CLDN10: variants seen among roughly 807,000 people sequenced by gnomAD.
CLDN10 encodes the protein claudin-10.
Under a neutral mutation model 22.9 loss-of-function variants are expected in CLDN10, and 15 were observed. That is an observed-to-expected ratio of 0.65 (90% confidence interval 0.44 to 1.01). The LOEUF is 1.01. Among genes scored for constraint, CLDN10 ranks in the 50% least tolerant of loss-of-function variants. The pLI is 0.00. For missense variants in CLDN10, 247 were observed against 287.8 expected (o/e 0.86, Z 1.03); for synonymous variants, 114 against 111.4 (o/e 1.02, Z -0.15).
intron 1 of CLDN10, among the ~76,000 whole-genome samples, chr13:95,505,327 A>C (rs1036158850): frequency 1.3e-5 from 2 of 152,194 alleles, no homozygotes; most frequent in Non-Finnish European, 2.9e-5. Context: ...TTTTAAAGGC[A>C]GGTATTGTTG....
chr13:95,571,296 G>GT (rs988747006), intron 3 of CLDN10, among the ~76,000 whole-genome samples: 5 of 152,116 alleles, frequency 3.3e-5, no homozygotes, highest in African/African-American at 1.2e-4. Flanking sequence ...CAGAAAAGCA[G>GT]TTTTTTTGTT....
intron 1 of CLDN10, among the ~76,000 whole-genome samples, chr13:95,467,929 T>A (rs999513948): frequency 5.3e-5 from 8 of 152,190 alleles, no homozygotes; most frequent in Non-Finnish European, 1.2e-4. Context: ...GGAAGAATTC[T>A]CTCTTAGTTA....
chr13:95,576,939 G>A (rs1370986970), intron 3 of CLDN10, among the ~76,000 whole-genome samples: 2 of 152,214 alleles, frequency 1.3e-5, no homozygotes, highest in African/African-American at 4.8e-5. Context: ...GCAGCGTGCA[G>A]AGGAAAGGTG....
chr13:95,509,720 C>A lies in CLDN10; in HGVS notation c.215-50412C>A, dbSNP rs370057004. On this transcript the variant is annotated intron_variant, in intron 1 of 4. Coordinates refer to the CLDN10 transcript ENST00000376873. ...ATTCCAGTCCCCTCTGGACTCATCT[C>A]TTTCCCATGAATTCCTAGGTGACTC... Among the ~76,000 whole-genome samples the A allele has an allele frequency of 1.1e-4, 17 of 152,304 alleles. 1 individual carries two copies. The Middle Eastern group carries it at 0.024, about 213-fold the overall frequency.
intron 1 of CLDN10, among the ~76,000 whole-genome samples, chr13:95,469,101 T>A (rs1253930926): frequency 6.6e-6 from 1 of 151,804 alleles, no homozygotes; most frequent in African/African-American, 2.4e-5. Context: ...CTTTACAGTT[T>A]TTTGGTTTTG....
intron 1 of CLDN10, among the ~76,000 whole-genome samples, chr13:95,497,744 C>T (rs1194221500): frequency 6.6e-6 from 1 of 152,172 alleles, no homozygotes; most frequent in East Asian, 1.9e-4. Context: ...GTGTTTAAAA[C>T]CTGTTCAGCA....
intron 1 of CLDN10, among the ~76,000 whole-genome samples, chr13:95,544,123 A>G (rs1046855823): frequency 1.3e-5 from 2 of 152,146 alleles, no homozygotes; most frequent in Admixed American, 1.3e-4. Flanking sequence ...TATAATATCT[A>G]TTATTTAATT....
Position 95,552,748 on chromosome 13 carries a change from G to A in CLDN10, c.-6G>A. 1 of 1,606,978 alleles carries A rather than the reference G, an allele frequency of 6.2e-7. No homozygotes were observed. ...CCGGAGAGCGAGCGCGGCTGCAGCC[G>A]GCGGCATGGCTAGCACGGCTTCGGA... On this transcript the variant is annotated 5_prime_UTR_variant, in exon 1 of 5. Coordinates refer to ENST00000299339, the MANE Select transcript of CLDN10 (RefSeq NM_006984.5).
intron 1 of CLDN10, among the ~76,000 whole-genome samples, chr13:95,500,084 T>C (rs984318905): frequency 1.3e-5 from 2 of 152,202 alleles, no homozygotes; most frequent in Non-Finnish European, 2.9e-5. Context: ...TACCAATTCA[T>C]GTAGTCTGCA....
chr13:95,525,101 G>A (rs1486057651), intron 1 of CLDN10, among the ~76,000 whole-genome samples: 1 of 151,880 alleles, frequency 6.6e-6, no homozygotes, highest in African/African-American at 2.4e-5. Flanking sequence ...TCAGGTGATT[G>A]CCCGCCTCGG....
chr13:95,571,660 A>G (rs937847816), intron 3 of CLDN10, among the ~76,000 whole-genome samples: 1 of 152,240 alleles, frequency 6.6e-6, no homozygotes, highest in Non-Finnish European at 1.5e-5. Flanking sequence ...TAATTGCTGT[A>G]GAATACTTAT....
At chr13:95,524,977 G>A (rs906429946) in intron 1 of CLDN10, among the ~76,000 whole-genome samples, 29 of 151,218 alleles carry the variant, frequency 1.9e-4, no homozygotes, top group African/African-American at 5.1e-4. Flanking sequence ...CTCCTGCCTC[G>A]GCCTCCTGAG....
intron 1 of CLDN10, among the ~76,000 whole-genome samples, chr13:95,547,440 A>G (rs971897882): frequency 6.6e-6 from 1 of 152,174 alleles, no homozygotes; most frequent in Non-Finnish European, 1.5e-5. Context: ...TACCATTTTT[A>G]TGAAAAAATG....
At chr13:95,485,937 T>C (rs11619150) in intron 1 of CLDN10, among the ~76,000 whole-genome samples, 89,205 of 152,034 alleles carry the variant, frequency 0.59, 27,215 homozygotes, top group African/African-American at 0.76. Context: ...CTGTCCAGAA[T>C]ATGCCAGATT....
chr13:95,563,095 A>ACTCTCTCTCTCTCTCTCT lies in CLDN10; in HGVS notation c.464+2655_464+2672dup, dbSNP rs34473629. Among the ~76,000 whole-genome samples, 662 of 128,050 alleles carry ACTCTCTCTCTCTCTCTCT rather than the reference A, an allele frequency of 5.2e-3. 7 individuals are homozygous for ACTCTCTCTCTCTCTCTCT. The highest frequency in any genetic ancestry group is 8.0e-3 in the Non-Finnish European group (492 of 61,378). 84.0% of individuals were successfully genotyped at this position (128,050 alleles called of 152,430 possible). On this transcript the variant is annotated intron_variant, in intron 3 of 4. Transcript: ENST00000299339. Reference sequence around the variant, plus strand: ...TTTCTCTTTCTGTCTCTGCCTACCCACTCTCTCTCTCTCTCTCTCTCTCTC... The same window carrying ACTCTCTCTCTCTCTCTCT: ...TTTCTCTTTCTGTCTCTGCCTACCCACTCTCTCTCTCTCTCTCTCTCTCTCTCTCTCTCTCTCTCTCTC...
At chr13:95,482,359 T>C (rs760398434) in intron 1 of CLDN10, among the ~76,000 whole-genome samples, 89 of 152,292 alleles carry the variant, frequency 5.8e-4, no homozygotes, top group Non-Finnish European at 1.0e-3. Flanking sequence ...TTCTCTAATA[T>C]ATATGGCCCA....
chr13:95,454,229 C>T lies in CLDN10; in HGVS notation c.214+20182C>T, dbSNP rs2042460926. Among the ~76,000 whole-genome samples, 5 of 152,194 alleles carry T rather than the reference C, an allele frequency of 3.3e-5. No individual in the cohort carries two copies. The South Asian group carries it at 1.0e-3, about 32-fold the overall frequency. ...CTGAGGCGGGTGGATCACCTGAGGT[C>T]AGGAGTTCAAGACTAGCCTAGCCAA... On this transcript the variant is annotated intron_variant, in intron 1 of 4. Coordinates refer to the CLDN10 transcript ENST00000376873.
In CLDN10 at chr13:95,507,627, A is replaced by AT. The variant is rs1170776240; in HGVS notation, c.215-52492dup. 4.5e-3 allele frequency among the ~76,000 whole-genome samples: 623 copies of AT among 139,284 alleles called. 1 individual carries two copies. The highest frequency in any genetic ancestry group is 0.014 in the African/African-American group (519 of 36,140). 91.4% of individuals were successfully genotyped at this position (139,284 alleles called of 152,430 possible). ...CATAGTGACACCTGCAAAAAAAAAA[A>AT]TTTTTTTTTTTTTGAGACAGAGTTC... On this transcript the variant is annotated intron_variant, in intron 1 of 4. Coordinates refer to the CLDN10 transcript ENST00000376873.
chr13:95,492,954 T>C (rs2042890671), intron 1 of CLDN10, among the ~76,000 whole-genome samples: 1 of 152,138 alleles, frequency 6.6e-6, no homozygotes, highest in South Asian at 2.1e-4. Flanking sequence ...TCCCCAGTGG[T>C]GATGTGTGTT....
Sources: allele counts gnomAD v4.1 joint callset (sites outside exome capture counted in the v4.1 genomes callset), GRCh38; gene constraint gnomAD v4.1.1; transcripts MANE v1.5; gene names NCBI Gene and HGNC (gene_info 2026-07-23, HGNC 2026-07-21).